GLG1: variants seen among roughly 807,000 people sequenced by gnomAD.
GLG1 encodes the protein golgi glycoprotein 1, also known as Golgi apparatus protein 1.
GLG1 carries 38 observed loss-of-function variants against 160.5 expected under a neutral mutation model. That is an observed-to-expected ratio of 0.24 (90% CI 0.18 to 0.31). The LOEUF (loss-of-function observed/expected upper bound fraction) is 0.31, where lower values mean the gene tolerates loss of function less well. Ranked by LOEUF, GLG1 falls within the 10% of genes least tolerant of loss-of-function variation. The probability of loss-of-function intolerance (pLI) is 1.00; values close to 1 mark genes in which losing one functional copy is unlikely to be tolerated. For synonymous variants in GLG1, 644 were observed against 543.4 expected (o/e 1.19, Z -2.57); for missense variants, 1,373 against 1,505.2 (o/e 0.91, Z 1.45).
chr16:74,546,440 G>A (rs1387107346), intron 1 of GLG1, among the ~76,000 whole-genome samples: 1 of 152,056 alleles, frequency 6.6e-6, no homozygotes, highest in Non-Finnish European at 1.5e-5. Flanking sequence ...GTAAGACTCT[G>A]TCTTAACAAA....
intron 1 of GLG1, among the ~76,000 whole-genome samples, chr16:74,581,136 A>C (rs1057463915): frequency 3.9e-5 from 6 of 152,206 alleles, no homozygotes; most frequent in African/African-American, 1.4e-4. Flanking sequence ...TAATTCCACT[A>C]CTGGGTATAT....
At chr16:74,485,997 G>A (rs2015774343) in intron 8 of GLG1, 80 bp from the exon 9 acceptor site, 1 of 1,101,544 alleles carries the variant, frequency 9.1e-7, no homozygotes, top group South Asian at 1.4e-5. Context: ...ACATTCAGTT[G>A]CTCAGTCCTA....
chr16:74,601,884 A>G (rs967800913), intron 1 of GLG1, among the ~76,000 whole-genome samples: 5 of 152,270 alleles, frequency 3.3e-5, no homozygotes, highest in African/African-American at 1.2e-4. Flanking sequence ...TTTAAGTCAA[A>G]AAGGACTTCC....
intron 22 of GLG1, 91 bp from the exon 23 acceptor site, chr16:74,459,880 G>A: frequency 1.5e-6 from 1 of 663,604 alleles, no homozygotes; most frequent in Admixed American, 3.2e-5. Flanking sequence ...TTTTGAAACA[G>A]AGCCAAGCTC....
At chr16:74,492,328 C>T (rs925819937) in intron 7 of GLG1, among the ~76,000 whole-genome samples, 4 of 150,136 alleles carry the variant, frequency 2.7e-5, no homozygotes, top group African/African-American at 9.8e-5. Flanking sequence ...GATTGTGCCA[C>T]TGCACTACAG....
At chr16:74,468,438 G>C (rs1166281745) in intron 17 of GLG1, 1 of 155,464 alleles carries the variant, frequency 6.4e-6, no homozygotes, top group African/African-American at 2.4e-5. Context: ...GTGTCGCCAT[G>C]TTGGCCAGGC....
intron 23 of GLG1, among the ~76,000 whole-genome samples, chr16:74,458,751 G>T (rs991957554): frequency 6.6e-6 from 1 of 152,150 alleles, no homozygotes; most frequent in Non-Finnish European, 1.5e-5. Flanking sequence ...TACCTCTGTT[G>T]TCCTCAGAAA....
At chr16:74,536,112 AG>A (rs2017679938) in intron 1 of GLG1, among the ~76,000 whole-genome samples, 1 of 152,240 alleles carries the variant, frequency 6.6e-6, no homozygotes, top group Admixed American at 6.5e-5. Context: ...ACCAATGAAC[AG>A]AAATCTCAAG....
chr16:74,595,597 C>T (rs895069405), intron 1 of GLG1, among the ~76,000 whole-genome samples: 2 of 152,164 alleles, frequency 1.3e-5, no homozygotes. Context: ...CTGTACTGTA[C>T]GCCTACAGCA....
At position 74,477,400 on chromosome 16, in the gene GLG1, C is replaced by T. The variant is rs2015421973; in HGVS notation, c.1961G>A (p.Gly654Glu). 1.9e-6 allele frequency: 3 copies of T among 1,610,548 alleles called. No homozygotes were observed. Among genetic ancestry groups the T allele is most frequent in the Non-Finnish European group, 2.5e-6 (3 of 1,176,760 alleles). The change falls in exon 12 of 26, where the codon GGA becomes GAA. Residue 654 changes from glycine (G) to glutamate (E), a missense_variant. By Grantham distance (98) the Gly-to-Glu change is moderately conservative. Transcript: ENST00000422840. ...ACAGAAAGCGATGTCACCTACCTGT[C>T]CAGTCTCTGTTTTCTCACTGCACCA... ...GKWCSEKTET[G>E]QELECLQDHL...
chr16:74,454,164 C>T (rs1308998101), intron 25 of GLG1, among the ~76,000 whole-genome samples: 5 of 151,742 alleles, frequency 3.3e-5, no homozygotes, highest in African/African-American at 1.2e-4. Flanking sequence ...TGAGCCACTG[C>T]GCCCGGCCTT....
chr16:74,462,591 G>C lies in GLG1; in HGVS notation c.2831C>G (p.Ala944Gly), dbSNP rs1863950895. 1.1e-5 allele frequency: 17 copies of C among 1,613,876 alleles called. No individual in the cohort carries two copies. Among genetic ancestry groups the C allele is most frequent in the Non-Finnish European group, 1.4e-5 (16 of 1,179,744 alleles). Reference sequence around the variant, plus strand: ...ACCGTGACAGAATTTAGGAATGTCAGCTTTACAGGCTTTTCTTAACATGGG... The same window carrying C: ...ACCGTGACAGAATTTAGGAATGTCACCTTTACAGGCTTTTCTTAACATGGG... ...LNPMLRKACKADIPKFCHGIL... is the reference protein window; with the variant it reads ...LNPMLRKACKGDIPKFCHGIL... Residue 944 changes from alanine to glycine, a missense_variant, in exon 21 of 26, where the codon GCT (alanine) becomes GGT (glycine). Coordinates refer to ENST00000422840, the MANE Select transcript of GLG1 (RefSeq NM_001145667.2).
intron 1 of GLG1, among the ~76,000 whole-genome samples, chr16:74,564,296 G>T (rs929878753): frequency 2.0e-5 from 3 of 152,074 alleles, no homozygotes; most frequent in Non-Finnish European, 4.4e-5. Flanking sequence ...TTAATGAACT[G>T]GCTGCTTGGT....
At chr16:74,539,724 C>G (rs1038437702) in intron 1 of GLG1, among the ~76,000 whole-genome samples, 1 of 149,414 alleles carries the variant, frequency 6.7e-6, no homozygotes, top group Non-Finnish European at 1.5e-5. Flanking sequence ...CCTCCATCTC[C>G]CAAAAAAGAC....
chr16:74,535,715 A>C (rs914803837), intron 1 of GLG1, among the ~76,000 whole-genome samples: 4 of 152,208 alleles, frequency 2.6e-5, no homozygotes, highest in African/African-American at 9.6e-5. Flanking sequence ...GACTGCAGGC[A>C]TGAGCCAGTA....
chr16:74,604,230 G>T (rs1055207124), intron 1 of GLG1, among the ~76,000 whole-genome samples: 1 of 152,116 alleles, frequency 6.6e-6, no homozygotes, highest in Non-Finnish European at 1.5e-5. Context: ...GTTCCATAAG[G>T]TTCCAAAAAG....
At chr16:74,532,900 G>T (rs2017584326) in intron 1 of GLG1, among the ~76,000 whole-genome samples, 1 of 152,032 alleles carries the variant, frequency 6.6e-6, no homozygotes. Flanking sequence ...AAGATCTCTA[G>T]GTACTGTTTT....
intron 2 of GLG1, among the ~76,000 whole-genome samples, chr16:74,513,456 G>A (rs989581732): frequency 2.6e-5 from 4 of 152,102 alleles, no homozygotes; most frequent in Non-Finnish European, 5.9e-5. Context: ...GAATCAGGCA[G>A]CAATATTTGC....
chr16:74,531,885 T>G (rs1175346485), intron 2 of GLG1, among the ~76,000 whole-genome samples: 1 of 152,182 alleles, frequency 6.6e-6, no homozygotes, highest in African/African-American at 2.4e-5. Context: ...TATTTTCACA[T>G]GGTAGCTGTA....
Sources: allele counts gnomAD v4.1 joint callset (sites outside exome capture counted in the v4.1 genomes callset), GRCh38; gene constraint gnomAD v4.1.1; transcripts MANE v1.5; gene names NCBI Gene and HGNC (gene_info 2026-07-23, HGNC 2026-07-21).